CFAP54: variants seen among roughly 807,000 people sequenced by gnomAD.
The protein encoded by CFAP54 is cilia- and flagella-associated protein 54.
In CFAP54, 290 loss-of-function variants were observed where a neutral mutation model predicts 370.4. That is an observed-to-expected ratio of 0.78 (90% CI 0.71 to 0.86). The LOEUF (loss-of-function observed/expected upper bound fraction) is 0.86. Ranked by LOEUF, CFAP54 falls within the 40% of genes least tolerant of loss-of-function variation. The pLI is 0.00. For missense variants in CFAP54, 3,399 were observed against 3,528.7 expected (o/e 0.96, Z 0.93); for synonymous variants, 1,206 against 1,236.5 (o/e 0.98, Z 0.52).
intron 26 of CFAP54, among the ~76,000 whole-genome samples, chr12:96,604,925 G>A (rs1012632503): frequency 5.3e-5 from 8 of 152,196 alleles, no homozygotes; most frequent in African/African-American, 1.9e-4. Context: ...CCAAACCCTT[G>A]TGCTTTCTGG....
At chr12:96,859,799 A>G (rs936480747) in intron 66 of CFAP54, among the ~76,000 whole-genome samples, 1 of 152,306 alleles carries the variant, frequency 6.6e-6, no homozygotes, top group African/African-American at 2.4e-5. Context: ...GAAAAAGCCA[A>G]TAATGGCAAC....
At chr12:96,830,388 T>G (rs963448842) in intron 66 of CFAP54, among the ~76,000 whole-genome samples, 1 of 152,160 alleles carries the variant, frequency 6.6e-6, no homozygotes, top group Admixed American at 6.5e-5. Flanking sequence ...GTGTGTGTGT[T>G]TAATAGTAGT....
intron 4 of CFAP54, among the ~76,000 whole-genome samples, chr12:96,510,122 G>A (rs79954510): frequency 0.1 from 15,178 of 151,712 alleles, 1,242 homozygotes; most frequent in East Asian, 0.45. Flanking sequence ...GTGTGGTGGC[G>A]TGTGCCTATA....
chr12:96,752,267 G>T (rs1244096151), intron 55 of CFAP54, among the ~76,000 whole-genome samples: 1 of 152,184 alleles, frequency 6.6e-6, no homozygotes, highest in Non-Finnish European at 1.5e-5. Context: ...AGAACCTAAA[G>T]ATACCTCACG....
At chr12:96,577,880 G>A (rs1214088498) in intron 20 of CFAP54, among the ~76,000 whole-genome samples, 1 of 152,006 alleles carries the variant, frequency 6.6e-6, no homozygotes, top group Non-Finnish European at 1.5e-5. Context: ...GGCCAACATG[G>A]TAAAACCCTG....
chr12:96,756,672 A>G, intron 57 of CFAP54, 109 bp downstream of exon 57: 1 of 713,540 alleles, frequency 1.4e-6, no homozygotes. Flanking sequence ...TTCTGAAAGC[A>G]GGGCTAGTTC....
At chr12:96,852,029 A>G (rs761074696) in intron 66 of CFAP54, among the ~76,000 whole-genome samples, 1 of 152,146 alleles carries the variant, frequency 6.6e-6, no homozygotes, top group Non-Finnish European at 1.5e-5. Context: ...TGTCTGTACT[A>G]TCACTGGAAA....
chr12:96,692,932 G>T (rs1957402045), intron 44 of CFAP54, among the ~76,000 whole-genome samples: 1 of 152,146 alleles, frequency 6.6e-6, no homozygotes, highest in Admixed American at 6.5e-5. Flanking sequence ...TGAGCTTCAG[G>T]TTTGATTTGA....
At chr12:96,623,455 C>T (rs1368138897) in intron 27 of CFAP54, among the ~76,000 whole-genome samples, 1 of 152,168 alleles carries the variant, frequency 6.6e-6, no homozygotes, top group Non-Finnish European at 1.5e-5. Flanking sequence ...TTTTTAGAGA[C>T]ATAGCCTCAG....
At chr12:96,787,879 T>C (rs913346641) in intron 62 of CFAP54, among the ~76,000 whole-genome samples, 5 of 152,146 alleles carry the variant, frequency 3.3e-5, no homozygotes, top group African/African-American at 1.2e-4. Context: ...ATAGGGCTGA[T>C]TGGCAAAGGA....
chr12:96,727,232 G>T (rs1243105010), intron 50 of CFAP54, among the ~76,000 whole-genome samples: 1 of 151,960 alleles, frequency 6.6e-6, no homozygotes, highest in East Asian at 1.9e-4. Flanking sequence ...GGGTATCTTT[G>T]TTAACTTTCT....
chr12:96,801,036 G>A (rs1245918991), intron 63 of CFAP54, among the ~76,000 whole-genome samples: 1 of 152,174 alleles, frequency 6.6e-6, no homozygotes, highest in African/African-American at 2.4e-5. Flanking sequence ...GGAGTTTTCA[G>A]GGACAAAAAG....
intron 40 of CFAP54, among the ~76,000 whole-genome samples, chr12:96,682,801 A>G (rs1311793338): frequency 6.6e-6 from 1 of 152,252 alleles, no homozygotes; most frequent in African/African-American, 2.4e-5. Flanking sequence ...CTGGAGACAG[A>G]AGAAGCTTCC....
chr12:96,552,462 G>A (rs1955705924), intron 15 of CFAP54, among the ~76,000 whole-genome samples: 1 of 151,898 alleles, frequency 6.6e-6, no homozygotes, highest in African/African-American at 2.4e-5. Flanking sequence ...TCATGCCTCA[G>A]TCTCCCAAGT....
At chr12:96,594,648 C>A (rs1330222731) in intron 25 of CFAP54, among the ~76,000 whole-genome samples, 1 of 152,140 alleles carries the variant, frequency 6.6e-6, no homozygotes, top group Non-Finnish European at 1.5e-5. Flanking sequence ...AAATAGGTTT[C>A]TCTGAAAATA....
intron 38 of CFAP54, among the ~76,000 whole-genome samples, chr12:96,661,473 A>T (rs1192829457): frequency 6.6e-6 from 1 of 152,160 alleles, no homozygotes; most frequent in Non-Finnish European, 1.5e-5. Flanking sequence ...TCAAATCCAT[A>T]GGGCAGGCAG....
intron 48 of CFAP54, among the ~76,000 whole-genome samples, chr12:96,714,129 T>A (rs1957647132): frequency 6.6e-6 from 1 of 152,204 alleles, no homozygotes; most frequent in African/African-American, 2.4e-5. Context: ...TAATCATATT[T>A]CTTTTTACAA....
chr12:96,681,369 CCT>C (rs1957269208), intron 40 of CFAP54, among the ~76,000 whole-genome samples: 1 of 122,332 alleles, frequency 8.2e-6, no homozygotes, highest in African/African-American at 3.4e-5. Flanking sequence ...CAAGGTTTTT[CCT>C]TTTTTTTTTT....
chr12:96,772,039 C>A (rs1958468014), intron 60 of CFAP54, among the ~76,000 whole-genome samples: 1 of 152,158 alleles, frequency 6.6e-6, no homozygotes, highest in East Asian at 1.9e-4. Context: ...CATTAAAGAT[C>A]AGATTACATT....
Sources: gnomAD v4.1 joint callset for allele counts (sites outside exome capture counted in the v4.1 genomes callset) on GRCh38, gnomAD v4.1.1 for gene constraint, MANE v1.5 for transcripts, NCBI Gene and HGNC (gene_info 2026-07-23, HGNC 2026-07-21) for gene names.